The following DPP10 variants were observed in gnomAD, a reference collection of about 807,000 sequenced individuals.
The protein encoded by DPP10 is inactive dipeptidyl peptidase 10.
In DPP10, 33 loss-of-function variants were observed where a neutral mutation model predicts 120.9. The ratio of observed to expected loss-of-function variants is 0.27; its 90% CI spans 0.21 to 0.37. DPP10 has a LOEUF of 0.37. Ranked by LOEUF, DPP10 falls within the 10% of genes least tolerant of loss-of-function variation. The pLI is 1.00. For missense variants in DPP10, 816 were observed against 942.8 expected, an observed-to-expected ratio of 0.87 and a Z score of 1.76; for synonymous variants, 337 against 326.1, an observed-to-expected ratio of 1.03 and a Z score of -0.36.
chr2:114,663,517 G>A (rs1363086101), intron 1 of DPP10, among the ~76,000 whole-genome samples: 1 of 149,858 alleles, frequency 6.7e-6, no homozygotes, highest in Non-Finnish European at 1.5e-5. Flanking sequence ...CTGTAATTTT[G>A]GTTGTTTTAT....
intron 13 of DPP10, among the ~76,000 whole-genome samples, chr2:115,771,598 G>A (rs553115845): frequency 2.3e-3 from 349 of 152,234 alleles, no homozygotes; most frequent in Non-Finnish European, 4.3e-3. Context: ...CCAAAAAATA[G>A]TACAAAAATT....
At chr2:115,423,039 C>G (rs1243718064) in intron 3 of DPP10, among the ~76,000 whole-genome samples, 1 of 151,696 alleles carries the variant, frequency 6.6e-6, no homozygotes, top group Non-Finnish European at 1.5e-5. Flanking sequence ...TTTAAATAGT[C>G]TAGTGGCAAC....
intron 1 of DPP10, among the ~76,000 whole-genome samples, chr2:114,719,506 G>A (rs1042222781): frequency 6.6e-5 from 10 of 152,174 alleles, no homozygotes; most frequent in Non-Finnish European, 1.5e-4. Flanking sequence ...TGGTTTGCAT[G>A]CAGGTAGATG....
At chr2:115,229,963 A>G (rs1056168997) in intron 1 of DPP10, among the ~76,000 whole-genome samples, 6 of 150,682 alleles carry the variant, frequency 4.0e-5, no homozygotes, top group South Asian at 2.1e-4. Context: ...GAAGAATGGC[A>G]TTCGTATTTT....
intron 3 of DPP10, among the ~76,000 whole-genome samples, chr2:115,461,627 A>G (rs951613394): frequency 1.3e-5 from 2 of 152,184 alleles, no homozygotes; most frequent in African/African-American, 4.8e-5. Context: ...AGGCACATCA[A>G]AACATATTGT....
intron 1 of DPP10, among the ~76,000 whole-genome samples, chr2:115,197,724 G>T (rs2055387157): frequency 6.6e-6 from 1 of 152,176 alleles, no homozygotes; most frequent in South Asian, 2.1e-4. Context: ...AATCTTGGCT[G>T]TAAAATTTGA....
At chr2:115,685,471 G>C (rs1212255398) in intron 5 of DPP10, among the ~76,000 whole-genome samples, 5 of 151,876 alleles carry the variant, frequency 3.3e-5, no homozygotes, top group Non-Finnish European at 5.9e-5. Flanking sequence ...TGCACCGAAT[G>C]GAACATAAGC....
chr2:114,911,975 C>A (rs562249225), intron 1 of DPP10, among the ~76,000 whole-genome samples: 3 of 152,132 alleles, frequency 2.0e-5, no homozygotes, highest in Non-Finnish European at 4.4e-5. Flanking sequence ...TCTGCACATT[C>A]AGGGCTTTTT....
At chr2:115,318,839 A>G (rs2106088041) in intron 2 of DPP10, among the ~76,000 whole-genome samples, 1 of 152,238 alleles carries the variant, frequency 6.6e-6, no homozygotes, top group African/African-American at 2.4e-5. Flanking sequence ...TCTATGTATG[A>G]GGATCATGTC....
chr2:114,451,039 G>A (rs913961225), intron 1 of DPP10, among the ~76,000 whole-genome samples: 6 of 152,120 alleles, frequency 3.9e-5, no homozygotes, highest in African/African-American at 1.4e-4. Flanking sequence ...TCATTTTAAT[G>A]GAAAGTAAAT....
intron 8 of DPP10, among the ~76,000 whole-genome samples, chr2:115,730,067 A>T (rs2092866804): frequency 6.6e-6 from 1 of 152,142 alleles, no homozygotes; most frequent in South Asian, 2.1e-4. Flanking sequence ...TAATAGGAAA[A>T]CTAATAGAAG....
chr2:114,949,351 A>G lies in DPP10; in HGVS notation c.61-359888A>G, dbSNP rs368814757. ...CCCTCCCCTGACCCATGGGGATTAC[A>G]ATTCGAGATGAGATTTGGATGGGGA... On this transcript the variant is annotated intron_variant, in intron 1 of 25. Transcript: ENST00000410059. Among the ~76,000 whole-genome samples, 19 of 152,224 alleles carry G rather than the reference A, an allele frequency of 1.2e-4. No individual in the cohort carries two copies. The East Asian group carries it at 3.7e-3, about 29-fold the overall frequency.
chr2:115,093,783 A>G (rs1709484799), intron 1 of DPP10, among the ~76,000 whole-genome samples: 1 of 152,122 alleles, frequency 6.6e-6, no homozygotes, highest in Admixed American at 6.6e-5. Flanking sequence ...ATAAAATGTC[A>G]ACTAGTATTT....
At chr2:114,898,465 T>A (rs977458681) in intron 1 of DPP10, among the ~76,000 whole-genome samples, 1 of 151,760 alleles carries the variant, frequency 6.6e-6, no homozygotes, top group African/African-American at 2.4e-5. Flanking sequence ...AACCTGCACA[T>A]TGTGCACATG....
rs3029140 is a variant in DPP10, at chr2:114,699,290, TGC to T, written c.60+256454_60+256455del. Among the ~76,000 whole-genome samples, 1,191 of 148,388 alleles carry T rather than the reference TGC, an allele frequency of 8.0e-3. 15 individuals are homozygous for T. The highest frequency in any genetic ancestry group is 0.029 in the African/African-American group (1,121 of 38,802). On this transcript the variant is annotated intron_variant, in intron 1 of 25. Transcript: ENST00000410059. ...ATATGCATGCAATCATATATACATA[TGC>T]GTGTGTGTGTGTGTGTGTTGAGAGA...
chr2:115,804,870 C>A (rs183867118), intron 19 of DPP10, among the ~76,000 whole-genome samples: 3 of 152,148 alleles, frequency 2.0e-5, no homozygotes, highest in Non-Finnish European at 4.4e-5. Flanking sequence ...TTAGGCTACT[C>A]GGGGGTCAGG....
At chr2:115,184,786 T>G (rs969014972) in intron 1 of DPP10, among the ~76,000 whole-genome samples, 1 of 152,234 alleles carries the variant, frequency 6.6e-6, no homozygotes, top group African/African-American at 2.4e-5. Context: ...CTGTGACTGT[T>G]GACAGCAGGT....
intron 1 of DPP10, among the ~76,000 whole-genome samples, chr2:115,103,466 G>A (rs1293718281): frequency 2.0e-5 from 3 of 152,146 alleles, no homozygotes; most frequent in South Asian, 4.1e-4. Context: ...GGGATTACAG[G>A]CGTGGGCAAC....
chr2:114,606,793 A>T (rs1163381604), intron 1 of DPP10, among the ~76,000 whole-genome samples: 1 of 152,140 alleles, frequency 6.6e-6, no homozygotes, highest in Non-Finnish European at 1.5e-5. Context: ...ATGTATTTAA[A>T]CCTGGACTCT....
Sources: allele counts gnomAD v4.1 joint callset (sites outside exome capture counted in the v4.1 genomes callset), GRCh38; gene constraint gnomAD v4.1.1; transcripts MANE v1.5; gene names NCBI Gene and HGNC (gene_info 2026-07-23, HGNC 2026-07-21).